The following SEZ6 variants were observed in gnomAD, a reference collection of about 807,000 sequenced individuals.
SEZ6 encodes seizure related 6 homolog.
A neutral mutation model predicts 101.0 loss-of-function variants in SEZ6; 53 were observed. The ratio of observed to expected loss-of-function variants is 0.52; its 90% CI spans 0.42 to 0.66. SEZ6 has a LOEUF of 0.66. Ranked by LOEUF, SEZ6 falls within the 30% of genes least tolerant of loss-of-function variation. The probability of loss-of-function intolerance (pLI) is 0.00; values close to 1 mark genes in which losing one functional copy is unlikely to be tolerated. For synonymous variants in SEZ6, 488 were observed against 512.2 expected (o/e 0.95, Z 0.64); for missense variants, 1,102 against 1,289.4 (o/e 0.85, Z 2.23).
In SEZ6 at chr17:28,957,040, C is replaced by A; in HGVS notation, c.2692+5G>T. On this transcript the variant is annotated splice_donor_5th_base_variant and intron_variant, in intron 13 of 16. Coordinates refer to ENST00000317338, the MANE Select transcript of SEZ6 (RefSeq NM_178860.5). ...GAGGGTTTTGAGGGGTGACAGGGCA[C>A]TCACCAGCCCTACAGATGGGTGGGG... 7 of 1,576,958 alleles carry A rather than the reference C, an allele frequency of 4.4e-6. No homozygotes were observed. Among genetic ancestry groups the A allele is most frequent in the Non-Finnish European group, 6.0e-6 (7 of 1,157,542 alleles).
Position 28,960,681 on chromosome 17 carries a change from G to A in SEZ6, c.1410-10C>T. 1 of 1,610,430 alleles carries A rather than the reference G, an allele frequency of 6.2e-7. No homozygotes were observed. Among genetic ancestry groups the A allele is most frequent in the Non-Finnish European group, 8.5e-7 (1 of 1,178,428 alleles). The stretch of plus-strand genomic sequence containing the variant: ...ATTGCGAATGATGAGCCTGAACCAG[G>A]AGAGTGGCAGCTATGTAGGCTGGTG... On this transcript the variant is annotated splice_polypyrimidine_tract_variant and intron_variant, in intron 6 of 16. Coordinates refer to ENST00000317338, the MANE Select transcript of SEZ6 (RefSeq NM_178860.5).
In SEZ6 at chr17:29,005,543, T is replaced by C. The variant is rs1254966551; in HGVS notation, c.55+272A>G. Among the ~76,000 whole-genome samples, 1 of 151,966 alleles carries C rather than the reference T, an allele frequency of 6.6e-6. No homozygotes were observed. The highest frequency in any genetic ancestry group is 2.4e-5 in the African/African-American group (1 of 41,368). On this transcript the variant is annotated intron_variant, in intron 1 of 16. Transcript: ENST00000317338. This position sits in a 1 kb window ranked among gnomAD's most constrained non-coding sequence, Gnocchi z 4.8. ...GCGTGTGTGCGGGGAGTGGGTGGCG[T>C]GATGAATTGCATCAGAGAAATCCCA...
chr17:28,991,291 G>A (rs1219940118), intron 1 of SEZ6, among the ~76,000 whole-genome samples: 2 of 152,134 alleles, frequency 1.3e-5, no homozygotes, highest in Admixed American at 1.3e-4. Context: ...TGCAACCTCC[G>A]CCTCCTGGGT....
At chr17:28,981,093 G>A (rs534461787) in intron 2 of SEZ6, among the ~76,000 whole-genome samples, 3 of 151,242 alleles carry the variant, frequency 2.0e-5, no homozygotes, top group East Asian at 2.0e-4. Flanking sequence ...ATGGTGTTTC[G>A]CCATGTTGGC....
At chr17:28,969,728 G>A (rs748883021) in intron 4 of SEZ6, 29 bp downstream of exon 4, 3 of 1,446,970 alleles carry the variant, frequency 2.1e-6, no homozygotes, top group Non-Finnish European at 2.7e-6. Flanking sequence ...AGTCTGGGCT[G>A]GTTCCACCTT....
chr17:28,966,247 G>A (rs1446219887), intron 4 of SEZ6, among the ~76,000 whole-genome samples: 1 of 151,466 alleles, frequency 6.6e-6, no homozygotes, highest in East Asian at 1.9e-4. Flanking sequence ...TTGGGAGGCC[G>A]AGGCAGGTGG....
chr17:28,975,805 G>A (rs1424110915), intron 3 of SEZ6, among the ~76,000 whole-genome samples: 2 of 152,224 alleles, frequency 1.3e-5, no homozygotes, highest in Admixed American at 6.5e-5. Flanking sequence ...AGCCACCTGG[G>A]GCACGAGGGC....
chr17:28,956,608 C>T lies in SEZ6; in HGVS notation c.2731+111G>A. The T allele has an allele frequency of 5.3e-6, 8 of 1,512,458 alleles. No individual in the cohort carries two copies. The South Asian group carries it at 8.5e-5, about 16-fold the overall frequency. The allele number at this position is 1,512,458 out of a possible 1,614,324, so 93.7% of individuals were successfully genotyped here. On this transcript the variant is annotated intron_variant, in intron 14 of 16. Transcript: ENST00000317338. ...GGAAGGAGCTTTTTAACCTGCTAGG[C>T]CCAAACCTCTCTCTTTCTCTGCCCT...
intron 3 of SEZ6, among the ~76,000 whole-genome samples, chr17:28,971,888 A>T (rs1005182633): frequency 6.6e-6 from 1 of 152,206 alleles, no homozygotes; most frequent in Non-Finnish European, 1.5e-5. Context: ...TCACTTGAGA[A>T]TGGCTTTCTG....
intron 2 of SEZ6, 67 bp from the exon 3 acceptor site, chr17:28,979,880 CGTGTGTGTGTGTGTGT>C (rs3052131): frequency 1.7e-4 from 148 of 857,874 alleles, no homozygotes; most frequent in East Asian, 5.7e-4. Context: ...AAGGCTGAAC[CGTGTGTGTGTGTGTGT>C]GTGTGTGTGT....
At chr17:28,987,998 G>T (rs376013719) in intron 1 of SEZ6, among the ~76,000 whole-genome samples, 1 of 152,180 alleles carries the variant, frequency 6.6e-6, no homozygotes. Context: ...GCGCACTCGT[G>T]CCAGGAGCCC....
rs538297619 is a variant in SEZ6 at position 28,959,599 on chromosome 17, C to A, written c.1771+99G>T. On this transcript the variant is annotated intron_variant, in intron 8 of 16. Coordinates refer to ENST00000317338, the MANE Select transcript of SEZ6 (RefSeq NM_178860.5). This position sits in a 1 kb window ranked among gnomAD's most constrained non-coding sequence, Gnocchi z 4.4. ...TCCTCCTTGGAGGAAGCCTGAACCACGCATATCACAGGGCCCCTGTGGCCC... is the reference window on the plus strand; with the variant it reads ...TCCTCCTTGGAGGAAGCCTGAACCAAGCATATCACAGGGCCCCTGTGGCCC... The A allele has an allele frequency of 2.6e-6, 4 of 1,538,226 alleles. No individual in the cohort carries two copies. The East Asian group carries it at 6.8e-5, about 26-fold the overall frequency.
chr17:28,970,976 C>T (rs1435185418), intron 3 of SEZ6, among the ~76,000 whole-genome samples: 2 of 152,218 alleles, frequency 1.3e-5, no homozygotes, highest in South Asian at 2.1e-4. Context: ...GTCACAGTCT[C>T]CTCTGCTATC....
In SEZ6 at chr17:28,959,320, C is replaced by A; in HGVS notation, c.1910+14G>T. On this transcript the variant is annotated intron_variant, in intron 9 of 16. Coordinates refer to ENST00000317338, the MANE Select transcript of SEZ6 (RefSeq NM_178860.5). This position sits in a 1 kb window ranked among gnomAD's most constrained non-coding sequence, Gnocchi z 4.4. ...CCTCAGGAGTTGGCTCGGCCTGACC[C>A]GGTAGGCACTCACACTCGGATGTCC... 6.2e-7 allele frequency: 1 copy of A among 1,613,956 alleles called. No homozygotes were observed. Among genetic ancestry groups the A allele is most frequent in the Non-Finnish European group, 8.5e-7 (1 of 1,179,868 alleles).
intron 1 of SEZ6, among the ~76,000 whole-genome samples, chr17:28,996,101 C>T (rs1305225401): frequency 1.3e-5 from 2 of 151,590 alleles, no homozygotes; most frequent in East Asian, 2.0e-4. Context: ...CCCGGGTTCA[C>T]GCCATTCTCC....
rs1169660576 is a variant in SEZ6, at chr17:29,005,104, TG to T, written c.55+710del. Among the ~76,000 whole-genome samples, 3,195 of 150,780 alleles carry T rather than the reference TG, an allele frequency of 0.021. 114 individuals carry two copies. Among genetic ancestry groups the T allele is most frequent in the African/African-American group, 0.072 (2,895 of 40,476 alleles). ...GTGTGTGTGTGTGTGTGTGTGTGTG[TG>T]TGTGTGTGTGTGTACAAGGAAAGGA... On this transcript the variant is annotated intron_variant, in intron 1 of 16. Transcript: ENST00000317338. This position sits in a 1 kb window ranked among gnomAD's most constrained non-coding sequence, Gnocchi z 4.8.
At chr17:28,963,899 G>T in intron 5 of SEZ6, 63 bp downstream of exon 5, 1 of 1,541,908 alleles carries the variant, frequency 6.5e-7, no homozygotes, top group East Asian at 2.4e-5. Context: ...GCAACAGAGA[G>T]CAGGGATGAG....
At chr17:28,976,798 C>T (rs181181767) in intron 3 of SEZ6, among the ~76,000 whole-genome samples, 8 of 152,336 alleles carry the variant, frequency 5.3e-5, no homozygotes, top group East Asian at 3.9e-4. Context: ...CCAGGCCTGC[C>T]GCACCTGCTG....
chr17:28,960,779 C>T, intron 6 of SEZ6, 26 bp downstream of exon 6: 7 of 1,613,184 alleles, frequency 4.3e-6, no homozygotes, highest in Non-Finnish European at 5.9e-6. Context: ...GCCAGGCACT[C>T]CCATTCCACT....
Sources: gnomAD v4.1 joint callset for allele counts (sites outside exome capture counted in the v4.1 genomes callset) on GRCh38, gnomAD v4.1.1 for gene constraint, Gnocchi (gnomAD v3.1) non-coding constraint, MANE v1.5 for transcripts, NCBI Gene and HGNC (gene_info 2026-07-23, HGNC 2026-07-21) for gene names.